The following GMDS variants were observed in gnomAD, a reference collection of about 807,000 sequenced individuals.
GMDS encodes GDP-mannose 4,6-dehydratase, also known as GDP-mannose 4,6 dehydratase.
Under a neutral mutation model 49.9 loss-of-function variants are expected in GMDS, and 20 were observed. The observed-to-expected ratio is 0.40, with a 90% CI of 0.28 to 0.58. GMDS has a LOEUF of 0.58. Among genes scored for constraint, GMDS ranks in the 20% least tolerant of loss-of-function variants. The probability of loss-of-function intolerance (pLI) is 0.42; values close to 1 mark genes in which losing one functional copy is unlikely to be tolerated. For synonymous variants in GMDS, 177 were observed against 178.6 expected (o/e 0.99, Z 0.07); for missense variants, 362 against 481.4 (o/e 0.75, Z 2.32).
intron 7 of GMDS, among the ~76,000 whole-genome samples, chr6:1,882,176 G>A (rs1759395271): frequency 6.6e-6 from 1 of 152,180 alleles, no homozygotes; most frequent in African/African-American, 2.4e-5. Flanking sequence ...TCTAAATTAA[G>A]CATATTTAGC....
chr6:1,996,190 A>G (rs1017887803), intron 4 of GMDS, among the ~76,000 whole-genome samples: 5 of 148,046 alleles, frequency 3.4e-5, no homozygotes, highest in African/African-American at 1.0e-4. Context: ...TTCTATAACT[A>G]TGGTACCAAG....
At chr6:1,849,297 A>G (rs1757550607) in intron 7 of GMDS, among the ~76,000 whole-genome samples, 1 of 152,244 alleles carries the variant, frequency 6.6e-6, no homozygotes, top group African/African-American at 2.4e-5. Context: ...TCAGGAAAAC[A>G]TCTGGTAATA....
At chr6:2,182,644 C>A (rs1778605135) in intron 1 of GMDS, among the ~76,000 whole-genome samples, 1 of 152,184 alleles carries the variant, frequency 6.6e-6, no homozygotes, top group Non-Finnish European at 1.5e-5. Flanking sequence ...TGGATGACAG[C>A]ACATCTGTTT....
At chr6:2,064,296 T>G (rs528385107) in intron 4 of GMDS, among the ~76,000 whole-genome samples, 15 of 152,186 alleles carry the variant, frequency 9.9e-5, no homozygotes, top group Admixed American at 1.3e-4. Context: ...ATTACTATAT[T>G]TTTCAGTTTA....
chr6:1,990,067 CG>C (rs1765835219), intron 4 of GMDS, among the ~76,000 whole-genome samples: 1 of 152,160 alleles, frequency 6.6e-6, no homozygotes, highest in South Asian at 2.1e-4. Context: ...GAGGCCAAGG[CG>C]GGTGGATCAT....
intron 4 of GMDS, among the ~76,000 whole-genome samples, chr6:1,992,138 G>A (rs1380945045): frequency 6.6e-6 from 1 of 152,204 alleles, no homozygotes; most frequent in Non-Finnish European, 1.5e-5. Flanking sequence ...TAGGGCAGCT[G>A]TACCTGAGCA....
chr6:1,704,102 T>C (rs1561742590), intron 9 of GMDS, among the ~76,000 whole-genome samples: 1 of 152,168 alleles, frequency 6.6e-6, no homozygotes, highest in Non-Finnish European at 1.5e-5. Context: ...GACCTCGTTC[T>C]TGACTCCAAC....
At chr6:2,095,834 G>A (rs1773573661) in intron 4 of GMDS, among the ~76,000 whole-genome samples, 1 of 152,090 alleles carries the variant, frequency 6.6e-6, no homozygotes, top group Non-Finnish European at 1.5e-5. Context: ...GAAGCTGAAA[G>A]ACATCCACCA....
At position 1,629,672 on chromosome 6, in the gene GMDS, A is replaced by G. The variant is rs1762941039; in HGVS notation, c.988-5132T>C. On this transcript the variant is annotated intron_variant, in intron 9 of 10. Transcript: ENST00000380815. ...GGACACTCCCACTGTCGCCACTGTC[A>G]CCTCTGCTGGGAGCCTCCTTAGATG... Among the ~76,000 whole-genome samples the G allele has an allele frequency of 2.0e-5, 3 of 152,092 alleles. No individual in the cohort carries two copies. The South Asian group carries it at 6.2e-4, about 32-fold the overall frequency.
chr6:1,787,540 T>G (rs1331997390), intron 7 of GMDS, among the ~76,000 whole-genome samples: 1 of 152,250 alleles, frequency 6.6e-6, no homozygotes, highest in East Asian at 1.9e-4. Context: ...TTGTTAGCTT[T>G]TTAATTTTAG....
At chr6:1,990,832 T>C (rs2127362624) in intron 4 of GMDS, among the ~76,000 whole-genome samples, 1 of 151,772 alleles carries the variant, frequency 6.6e-6, no homozygotes, top group South Asian at 2.1e-4. Context: ...GATCCTTCCA[T>C]CTTGGCCTCC....
At chr6:1,924,731 C>G (rs1318125105) in intron 7 of GMDS, among the ~76,000 whole-genome samples, 1 of 152,186 alleles carries the variant, frequency 6.6e-6, no homozygotes, top group Non-Finnish European at 1.5e-5. Context: ...TTAGTGTTTT[C>G]TGCCACCACT....
chr6:2,236,008 T>G (rs1394793096), intron 1 of GMDS, among the ~76,000 whole-genome samples: 1 of 152,222 alleles, frequency 6.6e-6, no homozygotes, highest in African/African-American at 2.4e-5. Context: ...ACAGGACATC[T>G]GTAGATAGCA....
At chr6:2,007,836 A>C (rs982558956) in intron 4 of GMDS, among the ~76,000 whole-genome samples, 2 of 152,194 alleles carry the variant, frequency 1.3e-5, no homozygotes, top group Non-Finnish European at 2.9e-5. Context: ...GGTATATTTC[A>C]GGGGAAAAAT....
At chr6:2,048,912 A>C (rs1770189377) in intron 4 of GMDS, among the ~76,000 whole-genome samples, 1 of 152,164 alleles carries the variant, frequency 6.6e-6, no homozygotes, top group East Asian at 1.9e-4. Flanking sequence ...CCAAAATACC[A>C]ATATGGGGAT....
intron 1 of GMDS, among the ~76,000 whole-genome samples, chr6:2,201,808 G>A (rs1412000719): frequency 2.9e-5 from 4 of 136,328 alleles, no homozygotes; most frequent in African/African-American, 1.1e-4. Context: ...TAGGCAGTGA[G>A]GACAGCATGT....
At chr6:1,958,123 T>G (rs1305347952) in intron 6 of GMDS, among the ~76,000 whole-genome samples, 9 of 151,892 alleles carry the variant, frequency 5.9e-5, no homozygotes, top group Non-Finnish European at 8.8e-5. Context: ...ATGTTTTTTT[T>G]TTTTTTTTTT....
chr6:1,733,079 A>T (rs1200287826), intron 8 of GMDS, among the ~76,000 whole-genome samples: 2 of 152,210 alleles, frequency 1.3e-5, no homozygotes, highest in Non-Finnish European at 2.9e-5. Context: ...ACTTCCTTAC[A>T]GGATTCCCCT....
intron 5 of GMDS, 65 bp from the exon 6 acceptor site, chr6:1,960,036 C>T: frequency 1.1e-6 from 1 of 882,710 alleles, no homozygotes; most frequent in South Asian, 1.6e-5. Flanking sequence ...TCACCATCTT[C>T]AACAGTAACA....
Sources: allele counts gnomAD v4.1 joint callset (sites outside exome capture counted in the v4.1 genomes callset), GRCh38; gene constraint gnomAD v4.1.1; transcripts MANE v1.5; gene names NCBI Gene and HGNC (gene_info 2026-07-23, HGNC 2026-07-21).